SORL1: variants seen among roughly 807,000 people sequenced by gnomAD.
SORL1 encodes the protein sortilin-related receptor.
A neutral mutation model predicts 273.7 loss-of-function variants in SORL1; 127 were observed. That is an observed-to-expected ratio of 0.46 (90% CI 0.40 to 0.54). The LOEUF is 0.54. Among genes scored for constraint, SORL1 ranks in the 20% least tolerant of loss-of-function variants. The pLI is 0.00. For missense variants in SORL1, 2,494 were observed against 2,846.1 expected (o/e 0.88, Z 2.81); for synonymous variants, 1,031 against 1,067.4 (o/e 0.97, Z 0.66).
At position 121,563,695 on chromosome 11, in the gene SORL1, C is replaced by T. The variant is rs1215396483; in HGVS notation, c.3050-3245C>T. On this transcript the variant is annotated intron_variant, in intron 21 of 47. Coordinates refer to ENST00000260197, the MANE Select transcript of SORL1 (RefSeq NM_003105.6). This position sits in a 1 kb window ranked among gnomAD's most constrained non-coding sequence, Gnocchi z 4.2. The stretch of plus-strand genomic sequence containing the variant: ...TACAGGTGTGAGCCACTGTGTCTGG[C>T]CACTAGCTGGTTTTTAAATGGTATA... 1.3e-5 allele frequency among the ~76,000 whole-genome samples: 2 copies of T among 152,256 alleles called. No individual in the cohort carries two copies. The highest frequency in any genetic ancestry group is 1.3e-4 in the Admixed American group (2 of 15,296).
intron 6 of SORL1, among the ~76,000 whole-genome samples, chr11:121,502,121 A>ATTTT (rs1242828050): frequency 3.6e-5 from 3 of 82,388 alleles, no homozygotes; most frequent in African/African-American, 1.3e-4. Flanking sequence ...TCATGTGACA[A>ATTTT]TTCTTTTTTT....
chr11:121,607,022 G>C (rs1248733953), intron 36 of SORL1, 65 bp downstream of exon 36: 7 of 1,256,616 alleles, frequency 5.6e-6, no homozygotes, highest in Non-Finnish European at 8.2e-6. Context: ...TGGGTATTCT[G>C]TATGACGAGG....
Position 121,554,995 on chromosome 11 carries a change from C to A in SORL1, c.2440-192C>A. 6.2e-6 allele frequency: 3 copies of A among 480,982 alleles called. No individual in the cohort carries two copies. Among genetic ancestry groups the A allele is most frequent in the East Asian group, 3.7e-5 (1 of 27,228 alleles). The allele number at this position is 480,982 out of a possible 1,614,324, so 29.8% of individuals were successfully genotyped here. ...ATTCTCTTTATTCTGCTTTAAAAAA[C>A]AAAAATGTAGTATATTTTAGAAATG... On this transcript the variant is annotated intron_variant, in intron 17 of 47. Coordinates refer to ENST00000260197, the MANE Select transcript of SORL1 (RefSeq NM_003105.6). This position sits in a 1 kb window ranked among gnomAD's most constrained non-coding sequence, Gnocchi z 4.6.
intron 17 of SORL1, 45 bp from the exon 18 acceptor site, chr11:121,555,142 C>T (rs77361418): frequency 0.075 from 117,223 of 1,569,620 alleles, 4,673 homozygotes; most frequent in Middle Eastern, 0.089. Context: ...GGCAGGGGGT[C>T]GTTTGAACAG....
chr11:121,572,577 G>C (rs1862859872), intron 23 of SORL1, among the ~76,000 whole-genome samples: 1 of 152,210 alleles, frequency 6.6e-6, no homozygotes, highest in African/African-American at 2.4e-5. Context: ...CCTCATCAAG[G>C]AGGTTGCGTG....
At position 121,559,934 on chromosome 11, in the gene SORL1, G is replaced by A. The variant is rs377018201; in HGVS notation, c.3049+277G>A. On this transcript the variant is annotated intron_variant, in intron 21 of 47. Coordinates refer to ENST00000260197, the MANE Select transcript of SORL1 (RefSeq NM_003105.6). ...TTGGCCCCTGACTGATTGGTGGCGC[G>A]GCTTCTGTTGCAGCTGGGAGAGTCC... 1.5e-4 allele frequency among the ~76,000 whole-genome samples: 23 copies of A among 152,262 alleles called. No homozygotes were observed. In the East Asian group the frequency reaches 4.4e-3, roughly 29 times the overall value.
intron 12 of SORL1, among the ~76,000 whole-genome samples, chr11:121,539,668 C>CT (rs757490739): frequency 9.8e-4 from 147 of 150,352 alleles, no homozygotes; most frequent in South Asian, 2.9e-3. Context: ...AGATTTTTTT[C>CT]TTTTTTTTTA....
chr11:121,612,970 G>A, intron 40 of SORL1, 138 bp downstream of exon 40: 1 of 628,756 alleles, frequency 1.6e-6, no homozygotes, highest in East Asian at 2.9e-5. Flanking sequence ...ACAGGTTCTT[G>A]TGCATTGAGG....
chr11:121,543,747 A>C (rs2276345), intron 13 of SORL1, 21 bp downstream of exon 13: 44,443 of 1,602,818 alleles, frequency 0.028, 1,856 homozygotes, highest in East Asian at 0.22. Context: ...GCCTCCTTGG[A>C]CCTTTTCACA....
chr11:121,458,714 C>T (rs979137027), intron 1 of SORL1, among the ~76,000 whole-genome samples: 2 of 152,168 alleles, frequency 1.3e-5, no homozygotes, highest in Admixed American at 6.5e-5. Flanking sequence ...CCTGGGCCTT[C>T]GAAGAAGTGG....
At chr11:121,624,963 C>A (rs1033794198) in intron 45 of SORL1, 122 bp from the exon 46 acceptor site, 54 of 653,188 alleles carry the variant, frequency 8.3e-5, no homozygotes, top group Admixed American at 2.3e-4. Flanking sequence ...AAGGAGAAAC[C>A]CAGGGCGCTT....
chr11:121,629,420 G>T (rs1863842938), intron 47 of SORL1, 76 bp from the exon 48 acceptor site: 1 of 797,240 alleles, frequency 1.3e-6, no homozygotes. Flanking sequence ...GGGTTGAGGG[G>T]TGGGTAGAGT....
chr11:121,601,766 A>G (rs1414355124), intron 32 of SORL1, among the ~76,000 whole-genome samples: 1 of 152,104 alleles, frequency 6.6e-6, no homozygotes. Context: ...ATTTTGAGAC[A>G]TACTTTATAA....
In SORL1 at chr11:121,591,060, C is replaced by A. The variant is rs761321608; in HGVS notation, c.4273C>A (p.Arg1425Ser). Residue 1425 changes from arginine to serine, a missense_variant, in exon 31 of 48, where the codon CGC becomes AGC. Arg to Ser is a moderately radical substitution (Grantham distance 110). Around this residue, in one of 3 missense-constraint regions of SORL1, gnomAD observed 1,609 missense variants for 1,816.4 expected, o/e 0.89. Coordinates refer to ENST00000260197, the MANE Select transcript of SORL1 (RefSeq NM_003105.6). ...CTCCACGTGTCTGCCCAATTACTAC[C>A]GCTGCAGCAGTGGGACCTGCGTGAT... ...GPSTCLPNYY[R>S]CSSGTCVMDT... 1 of 1,614,224 alleles carries A rather than the reference C, an allele frequency of 6.2e-7. No homozygotes were observed.
At chr11:121,571,809 A>G (rs1229980225) in intron 23 of SORL1, among the ~76,000 whole-genome samples, 1 of 152,204 alleles carries the variant, frequency 6.6e-6, no homozygotes, top group Non-Finnish European at 1.5e-5. Context: ...GGTGCCTTTC[A>G]CACCGAGGGA....
At chr11:121,555,591 T>C (rs1208378509) in intron 18 of SORL1, among the ~76,000 whole-genome samples, 3 of 152,070 alleles carry the variant, frequency 2.0e-5, no homozygotes, top group African/African-American at 7.2e-5. Context: ...ATTTTATTTA[T>C]ATATTATTTT....
In SORL1 at chr11:121,550,744, G is replaced by A. The variant is rs560437540; in HGVS notation, c.2266+74G>A. The stretch of plus-strand genomic sequence containing the variant: ...CAGTATCACGATCTCACCCAAGTCC[G>A]GGCTTGTGGCTCCTTTAATTGAGTG... On this transcript the variant is annotated intron_variant, in intron 16 of 47. Transcript: ENST00000260197. This position sits in a 1 kb window ranked among gnomAD's most constrained non-coding sequence, Gnocchi z 5.3. 1.7e-4 allele frequency: 203 copies of A among 1,176,732 alleles called. 1 individual carries two copies. In the African/African-American group the frequency reaches 2.3e-3, roughly 13 times the overall value. The allele number at this position is 1,176,732 out of a possible 1,614,324, so 72.9% of individuals were successfully genotyped here. A position where few individuals can be genotyped will look rare whatever the true frequency, so the allele number is the denominator to read the frequency against.
chr11:121,522,140 T>C (rs1862048772), intron 9 of SORL1, among the ~76,000 whole-genome samples: 3 of 152,266 alleles, frequency 2.0e-5, no homozygotes, highest in Admixed American at 6.5e-5. Flanking sequence ...ATGAGACTTA[T>C]GACTTCTGAT....
chr11:121,575,894 C>T (rs1862922106), intron 24 of SORL1, among the ~76,000 whole-genome samples: 1 of 152,186 alleles, frequency 6.6e-6, no homozygotes, highest in South Asian at 2.1e-4. Context: ...GCCCCCTGAT[C>T]CTCTGTTCAT....
Sources: gnomAD v4.1 joint callset for allele counts (sites outside exome capture counted in the v4.1 genomes callset) on GRCh38, gnomAD v4.1.1 for gene constraint, gnomAD v4.1.1 regional missense constraint, Gnocchi (gnomAD v3.1) non-coding constraint, MANE v1.5 for transcripts, NCBI Gene and HGNC (gene_info 2026-07-23, HGNC 2026-07-21) for gene names.